ADAMTS19: variants seen among roughly 807,000 people sequenced by gnomAD.
The protein encoded by ADAMTS19 is A disintegrin and metalloproteinase with thrombospondin motifs 19.
Under a neutral mutation model 153.3 loss-of-function variants are expected in ADAMTS19, and 93 were observed. That is an observed-to-expected ratio of 0.61 (90% CI 0.51 to 0.72). The LOEUF (loss-of-function observed/expected upper bound fraction) is 0.72, where lower values mean the gene tolerates loss of function less well. Ranked by LOEUF, ADAMTS19 falls within the 30% of genes least tolerant of loss-of-function variation. ADAMTS19 has a pLI of 0.00. For missense variants in ADAMTS19, 1,482 were observed against 1,552.1 expected, an observed-to-expected ratio of 0.95 and a Z score of 0.76; for synonymous variants, 600 against 556.6, an observed-to-expected ratio of 1.08 and a Z score of -1.10.
chr5:129,533,299 A>G (rs372989403), intron 6 of ADAMTS19, among the ~76,000 whole-genome samples: 10 of 152,122 alleles, frequency 6.6e-5, no homozygotes, highest in East Asian at 3.9e-4. Flanking sequence ...ATTGCTTTGG[A>G]TACATGTGGG....
rs140890287 is a variant in ADAMTS19, at chr5:129,460,475, C to T, written c.84C>T (p.Ile28=). 642 of 1,614,112 alleles carry T rather than the reference C, an allele frequency of 4.0e-4. 5 individuals carry two copies. In the African/African-American group the frequency reaches 7.6e-3, roughly 19 times the overall value. Reference sequence around the variant, plus strand: ...AGCTGGGGTTCCTGTCGAATGGGATCGTTTCAGGTAAGTTCTTCCGTGACT... The same window carrying T: ...AGCTGGGGTTCCTGTCGAATGGGATTGTTTCAGGTAAGTTCTTCCGTGACT... ...LYQLGFLSNG[I]VSELQFAPDR... The change falls in exon 1 of 23, where the codon ATC becomes ATT. Residue 28 remains isoleucine (I), a synonymous_variant. Transcript: ENST00000274487.
intron 7 of ADAMTS19, among the ~76,000 whole-genome samples, chr5:129,555,417 T>A (rs1753280256): frequency 6.6e-6 from 1 of 152,166 alleles, no homozygotes; most frequent in African/African-American, 2.4e-5. Flanking sequence ...CCTAGTTTTG[T>A]TATCATTATT....
chr5:129,708,590 C>CAAAAAAAAAAA (rs1174701520), intron 21 of ADAMTS19, among the ~76,000 whole-genome samples: 84 of 61,792 alleles, frequency 1.4e-3, no homozygotes, highest in East Asian at 2.4e-3. Context: ...AGCAGAGAAG[C>CAAAAAAAAAAA]AAAAAAAAAA....
chr5:129,538,352 C>A (rs1010421547), intron 6 of ADAMTS19, among the ~76,000 whole-genome samples: 10 of 152,044 alleles, frequency 6.6e-5, no homozygotes, highest in African/African-American at 9.7e-5. Flanking sequence ...TCATAGTCTA[C>A]ATACAAGTTT....
chr5:129,680,612 A>G (rs2127118136), intron 17 of ADAMTS19, among the ~76,000 whole-genome samples: 1 of 152,144 alleles, frequency 6.6e-6, no homozygotes, highest in South Asian at 2.1e-4. Context: ...AAACAAAAAA[A>G]TTAGCTGGGC....
At chr5:129,513,646 A>T (rs574825855) in intron 3 of ADAMTS19, among the ~76,000 whole-genome samples, 28 of 151,712 alleles carry the variant, frequency 1.8e-4, no homozygotes, top group South Asian at 4.2e-4. Flanking sequence ...TATTTTTTTT[A>T]AATTTTTTTG....
intron 21 of ADAMTS19, among the ~76,000 whole-genome samples, chr5:129,708,327 C>A (rs1007788331): frequency 2.0e-5 from 3 of 152,080 alleles, no homozygotes; most frequent in Non-Finnish European, 4.4e-5. Context: ...TTATATGCCA[C>A]GTTCTGACTA....
At chr5:129,707,219 T>C (rs1460856571) in intron 21 of ADAMTS19, among the ~76,000 whole-genome samples, 2 of 152,206 alleles carry the variant, frequency 1.3e-5, no homozygotes, top group Admixed American at 6.5e-5. Flanking sequence ...TTGATTATAC[T>C]TGGGCTGTCC....
At chr5:129,609,420 T>C in intron 8 of ADAMTS19, among the ~76,000 whole-genome samples, 1 of 152,204 alleles carries the variant, frequency 6.6e-6, no homozygotes, top group East Asian at 1.9e-4. Flanking sequence ...TAATTAGTAG[T>C]ATTATAGTTA....
chr5:129,542,785 A>G (rs2126802237), intron 6 of ADAMTS19, among the ~76,000 whole-genome samples: 1 of 152,240 alleles, frequency 6.6e-6, no homozygotes, highest in South Asian at 2.1e-4. Flanking sequence ...CTGACAATCA[A>G]ATTATTTACT....
chr5:129,514,579 T>C (rs1434835370), intron 3 of ADAMTS19, among the ~76,000 whole-genome samples: 1 of 152,148 alleles, frequency 6.6e-6, no homozygotes, highest in Non-Finnish European at 1.5e-5. Context: ...TTGCCATTTG[T>C]ATGTCTTCTT....
intron 14 of ADAMTS19, among the ~76,000 whole-genome samples, chr5:129,658,178 C>T (rs1561631930): frequency 6.6e-6 from 1 of 151,788 alleles, no homozygotes; most frequent in Non-Finnish European, 1.5e-5. Flanking sequence ...CCCAGCTACT[C>T]GGGAGGCTGA....
At chr5:129,598,900 T>G (rs1337368211) in intron 8 of ADAMTS19, among the ~76,000 whole-genome samples, 1 of 152,174 alleles carries the variant, frequency 6.6e-6, no homozygotes, top group Non-Finnish European at 1.5e-5. Context: ...GTCCTCTATA[T>G]ATGCAAATTT....
intron 8 of ADAMTS19, among the ~76,000 whole-genome samples, chr5:129,607,928 G>T (rs1750983734): frequency 6.8e-6 from 1 of 147,966 alleles, no homozygotes; most frequent in Non-Finnish European, 1.5e-5. Flanking sequence ...AAGAAAATGT[G>T]GTGTGTGTGT....
intron 7 of ADAMTS19, among the ~76,000 whole-genome samples, chr5:129,571,728 C>T (rs1271872888): frequency 4.0e-5 from 6 of 151,582 alleles, no homozygotes; most frequent in Admixed American, 2.6e-4. Flanking sequence ...AAAATCGTTT[C>T]GGAGAAATAC....
At chr5:129,508,994 A>C in intron 2 of ADAMTS19, 83 bp from the exon 3 acceptor site, 1 of 1,224,554 alleles carries the variant, frequency 8.2e-7, no homozygotes, top group Non-Finnish European at 1.1e-6. Context: ...TTGTTAACAA[A>C]AACAGAATGT....
intron 7 of ADAMTS19, among the ~76,000 whole-genome samples, chr5:129,554,090 T>C (rs1279765125): frequency 2.0e-5 from 3 of 152,264 alleles, no homozygotes; most frequent in South Asian, 4.1e-4. Flanking sequence ...AATCTAGAGA[T>C]GATTCGAAGT....
intron 2 of ADAMTS19, among the ~76,000 whole-genome samples, chr5:129,480,309 TTAG>T (rs1391513355): frequency 6.6e-6 from 1 of 152,160 alleles, no homozygotes; most frequent in East Asian, 1.9e-4. Context: ...CTATAAATCA[TTAG>T]AAGAAAACCT....
chr5:129,549,994 G>GTA (rs1554092496), intron 6 of ADAMTS19, among the ~76,000 whole-genome samples: 33 of 99,102 alleles, frequency 3.3e-4, no homozygotes, highest in African/African-American at 8.2e-4. Context: ...ATCTGTATAT[G>GTA]TATCTAGATA....
Sources: gnomAD v4.1 joint callset for allele counts (sites outside exome capture counted in the v4.1 genomes callset) on GRCh38, gnomAD v4.1.1 for gene constraint, MANE v1.5 for transcripts, NCBI Gene and HGNC (gene_info 2026-07-23, HGNC 2026-07-21) for gene names.